Variants in JAKMIP1 observed in about 807,000 individuals in gnomAD.
The protein encoded by JAKMIP1 is janus kinase and microtubule interacting protein 1.
In JAKMIP1, 33 loss-of-function variants were observed where a neutral mutation model predicts 113.0. The observed-to-expected ratio is 0.29, with a 90% CI of 0.22 to 0.39. JAKMIP1 has a LOEUF of 0.39. JAKMIP1 is among the 10% of genes least tolerant of loss of function. JAKMIP1 has a pLI of 1.00. For missense variants in JAKMIP1, 813 were observed against 1,080.5 expected (o/e 0.75, Z 3.47); for synonymous variants, 480 against 459.9 (o/e 1.04, Z -0.56).
rs1380034841 is a variant in JAKMIP1 at position 6,049,560 on chromosome 4, C to A, written c.1962+259G>T. On this transcript the variant is annotated intron_variant, in intron 15 of 20. Coordinates refer to ENST00000409021, the MANE Select transcript of JAKMIP1 (RefSeq NM_001099433.2). The surrounding 1 kb of genome is among the most constrained non-coding windows in gnomAD (Gnocchi z 7.0). Reference sequence around the variant, plus strand: ...CAGCAATCTCGTGTGACTCCACCTGCATTCTGGGTAGGGATTCTGAGGCTT... The same window carrying A: ...CAGCAATCTCGTGTGACTCCACCTGAATTCTGGGTAGGGATTCTGAGGCTT... 1.3e-5 allele frequency among the ~76,000 whole-genome samples: 2 copies of A among 151,894 alleles called. No homozygotes were observed. The highest frequency in any genetic ancestry group is 2.9e-5 in the Non-Finnish European group (2 of 67,990).
intron 3 of JAKMIP1, 89 bp from the exon 4 acceptor site, chr4:6,085,718 G>A (rs1286089283): frequency 3.3e-6 from 4 of 1,223,918 alleles, no homozygotes; most frequent in Non-Finnish European, 4.7e-6. Context: ...CCCAGGGAAA[G>A]GTCAAAGCAG....
intron 1 of JAKMIP1, among the ~76,000 whole-genome samples, chr4:6,177,964 C>T (rs1441227201): frequency 6.6e-6 from 1 of 152,198 alleles, no homozygotes; most frequent in African/African-American, 2.4e-5. Context: ...CAATCTCACG[C>T]TTCCACCTCC....
intron 1 of JAKMIP1, among the ~76,000 whole-genome samples, chr4:6,164,665 T>C (rs1723390783): frequency 6.6e-6 from 1 of 152,234 alleles, no homozygotes; most frequent in Admixed American, 6.5e-5. Context: ...ACATTCATGA[T>C]TCATGAGAAG....
rs1205556369 is a variant in JAKMIP1, at chr4:6,080,678, A to G, written c.1102-366T>C. ...TAAGATGTGCCTTTAGCTTTCTGCC[A>G]TGATTGTGAGGCCTCCCCAGCCACG... is the stretch of plus-strand genomic sequence containing the variant. On this transcript the variant is annotated intron_variant, in intron 6 of 20. Coordinates refer to ENST00000409021, the MANE Select transcript of JAKMIP1 (RefSeq NM_001099433.2). This position sits in a 1 kb window ranked among gnomAD's most constrained non-coding sequence, Gnocchi z 6.0. Among the ~76,000 whole-genome samples, 2 of 152,130 alleles carry G rather than the reference A, an allele frequency of 1.3e-5. No homozygotes were observed. Among genetic ancestry groups the G allele is most frequent in the Non-Finnish European group, 2.9e-5 (2 of 68,022 alleles).
Position 6,106,744 on chromosome 4 carries a change from A to G in JAKMIP1, c.130-777T>C, listed in dbSNP as rs983147215. On this transcript the variant is annotated intron_variant, in intron 2 of 20. Coordinates refer to ENST00000409021, the MANE Select transcript of JAKMIP1 (RefSeq NM_001099433.2). The surrounding 1 kb of genome is among the most constrained non-coding windows in gnomAD (Gnocchi z 5.9). ...ACGTCCCAAGGGAGTGTGTTCTTAA[A>G]ACACTTCAAAATGCTTTCTTTAACC... 1.3e-5 allele frequency among the ~76,000 whole-genome samples: 2 copies of G among 152,106 alleles called. No homozygotes were observed. Among genetic ancestry groups the G allele is most frequent in the African/African-American group, 4.8e-5 (2 of 41,414 alleles).
chr4:6,151,018 T>C (rs1406342645), intron 1 of JAKMIP1, among the ~76,000 whole-genome samples: 1 of 152,060 alleles, frequency 6.6e-6, no homozygotes, highest in East Asian at 1.9e-4. Context: ...AAGCTTTGGC[T>C]TCTATGTGAC....
intron 3 of JAKMIP1, among the ~76,000 whole-genome samples, chr4:6,101,388 G>C (rs114593200): frequency 6.6e-6 from 1 of 151,994 alleles, no homozygotes; most frequent in Non-Finnish European, 1.5e-5. Context: ...GTCCACACAC[G>C]TGAAGATGTA....
In JAKMIP1 at chr4:6,081,089, G is replaced by A. The variant is rs181599508; in HGVS notation, c.1101+520C>T. 1.3e-5 allele frequency among the ~76,000 whole-genome samples: 2 copies of A among 151,968 alleles called. No individual in the cohort carries two copies. Among genetic ancestry groups the A allele is most frequent in the African/African-American group, 2.4e-5 (1 of 41,306 alleles). On this transcript the variant is annotated intron_variant, in intron 6 of 20. Transcript: ENST00000409021. This position sits in a 1 kb window ranked among gnomAD's most constrained non-coding sequence, Gnocchi z 4.6. Reference sequence around the variant, plus strand: ...CCGTCTTCCCGGCTGTGAAGTGGGGGTTGATACTACTCTGAACAATGAACC... The same window carrying A: ...CCGTCTTCCCGGCTGTGAAGTGGGGATTGATACTACTCTGAACAATGAACC...
At position 6,176,293 on chromosome 4, in the gene JAKMIP1, C is replaced by T. The variant is rs188548321; in HGVS notation, c.-148+23960G>A. ...GAGGACTGCCTGGCAGCAGGTTCCA[C>T]GGGGCCCCTGAAGGCAGAGACAGTG... On this transcript the variant is annotated intron_variant, in intron 1 of 20. Coordinates refer to ENST00000409021, the MANE Select transcript of JAKMIP1 (RefSeq NM_001099433.2). The surrounding 1 kb of genome is among the most constrained non-coding windows in gnomAD (Gnocchi z 5.5). Among the ~76,000 whole-genome samples, 296 of 152,260 alleles carry T rather than the reference C, an allele frequency of 1.9e-3. 1 individual carries two copies. The Middle Eastern group carries it at 0.027, about 14-fold the overall frequency.
chr4:6,035,386 T>G (rs976312082), intron 19 of JAKMIP1, among the ~76,000 whole-genome samples: 2 of 152,136 alleles, frequency 1.3e-5, no homozygotes, highest in African/African-American at 4.8e-5. Context: ...TGCATGATGC[T>G]GCTGCTTCTT....
chr4:6,070,725 C>T (rs1319738955), intron 8 of JAKMIP1, among the ~76,000 whole-genome samples: 1 of 152,210 alleles, frequency 6.6e-6, no homozygotes, highest in African/African-American at 2.4e-5. Flanking sequence ...TCTGCTGTTC[C>T]CCGACAACCT....
intron 20 of JAKMIP1, among the ~76,000 whole-genome samples, chr4:6,029,466 T>C (rs1360496270): frequency 6.6e-6 from 1 of 152,190 alleles, no homozygotes; most frequent in Non-Finnish European, 1.5e-5. Context: ...GGAAAGTCTT[T>C]TGTGAAAAAG....
chr4:6,070,373 G>T (rs911590055), intron 8 of JAKMIP1, among the ~76,000 whole-genome samples: 2 of 152,202 alleles, frequency 1.3e-5, no homozygotes, highest in Non-Finnish European at 1.5e-5. Flanking sequence ...ACAGGAGTGC[G>T]CCAGAAGACG....
rs1719621834 is a variant in JAKMIP1, at chr4:6,138,697, G to A, written c.-147-25700C>T. 6.6e-6 allele frequency among the ~76,000 whole-genome samples: 1 copy of A among 152,148 alleles called. No homozygotes were observed. Among genetic ancestry groups the A allele is most frequent in the African/African-American group, 2.4e-5 (1 of 41,402 alleles). On this transcript the variant is annotated intron_variant, in intron 1 of 20. Coordinates refer to ENST00000409021, the MANE Select transcript of JAKMIP1 (RefSeq NM_001099433.2). The surrounding 1 kb of genome is among the most constrained non-coding windows in gnomAD (Gnocchi z 6.0). ...TAGAACCACGGAATGGCCGTGCAGT[G>A]GCGTGTTCTCAACGGCCAGCTCTGT...
chr4:6,041,011 C>T (rs1354821911), intron 17 of JAKMIP1, among the ~76,000 whole-genome samples: 2 of 152,112 alleles, frequency 1.3e-5, no homozygotes, highest in African/African-American at 4.8e-5. Context: ...AACCAAGGCG[C>T]AAGTCACAGG....
rs945915254 is a variant in JAKMIP1 at position 6,153,128 on chromosome 4, A to G, written c.-147-40131T>C. ...CTGAAGACTACACAGGCAGATTCACACTTGCCAGCCAAGGCTTCAAAATCA... is the reference window on the plus strand; with the variant it reads ...CTGAAGACTACACAGGCAGATTCACGCTTGCCAGCCAAGGCTTCAAAATCA... On this transcript the variant is annotated intron_variant, in intron 1 of 20. Transcript: ENST00000409021. This position sits in a 1 kb window ranked among gnomAD's most constrained non-coding sequence, Gnocchi z 4.9. Among the ~76,000 whole-genome samples, 29 of 151,800 alleles carry G rather than the reference A, an allele frequency of 1.9e-4. No homozygotes were observed. Among genetic ancestry groups the G allele is most frequent in the Non-Finnish European group, 3.8e-4 (26 of 67,966 alleles).
intron 5 of JAKMIP1, among the ~76,000 whole-genome samples, chr4:6,083,451 C>A (rs1284739071): frequency 6.6e-6 from 1 of 151,414 alleles, no homozygotes; most frequent in Non-Finnish European, 1.5e-5. Flanking sequence ...TTAGTTTCTA[C>A]TTTTAACTAC....
chr4:6,107,273 T>C (rs901588533), intron 2 of JAKMIP1, among the ~76,000 whole-genome samples: 3 of 152,184 alleles, frequency 2.0e-5, no homozygotes, highest in African/African-American at 7.2e-5. Flanking sequence ...AACAGTCAAG[T>C]CCCTGGTTAA....
At chr4:6,085,108 G>A (rs1032991084) in intron 4 of JAKMIP1, 143 bp from the exon 5 acceptor site, 2 of 1,067,652 alleles carry the variant, frequency 1.9e-6, no homozygotes, top group Non-Finnish European at 2.6e-6. Flanking sequence ...GCAAGGTGGG[G>A]AACACCCAAG....
Sources: gnomAD v4.1 joint callset for allele counts (sites outside exome capture counted in the v4.1 genomes callset) on GRCh38, gnomAD v4.1.1 for gene constraint, Gnocchi (gnomAD v3.1) non-coding constraint, MANE v1.5 for transcripts, NCBI Gene and HGNC (gene_info 2026-07-23, HGNC 2026-07-21) for gene names.